The following ADAMTSL2 variants were observed in gnomAD, a reference collection of about 807,000 sequenced individuals.
The protein encoded by ADAMTSL2 is ADAMTS like 2.
In ADAMTSL2, 55 loss-of-function variants were observed where a neutral mutation model predicts 117.0. That is an observed-to-expected ratio of 0.47 (90% CI 0.38 to 0.59). The LOEUF (loss-of-function observed/expected upper bound fraction) is 0.59. ADAMTSL2 is among the 20% of genes least tolerant of loss of function. The pLI, the probability that ADAMTSL2 is intolerant of heterozygous loss-of-function variation, is 0.00. For missense variants in ADAMTSL2, 1,182 were observed against 1,354.5 expected (o/e 0.87, Z 2.00); for synonymous variants, 572 against 566.4 (o/e 1.01, Z -0.14).
chr9:133,539,315 T>C (rs1830136293), intron 4 of ADAMTSL2, among the ~76,000 whole-genome samples: 1 of 152,110 alleles, frequency 6.6e-6, no homozygotes, highest in Non-Finnish European at 1.5e-5. Context: ...GCACGCTGGG[T>C]TCCTCTTTAT....
Position 133,575,385 on chromosome 9 carries a change from C to A in ADAMTSL2, c.*521C>A. On this transcript the variant is annotated 3_prime_UTR_variant, in exon 19 of 19. Transcript: ENST00000651351. ...CTTATGGAGCCCCTCCCATGGAGCT[C>A]TCTTCCCGCCGCACTTTCTACCCCG... The A allele has an allele frequency of 5.9e-6, 1 of 168,862 alleles. No individual in the cohort carries two copies. Among genetic ancestry groups the A allele is most frequent in the Non-Finnish European group, 1.3e-5 (1 of 77,432 alleles). 10.5% of individuals were successfully genotyped at this position (168,862 alleles called of 1,614,324 possible).
rs1830664022 is a variant in ADAMTSL2, at chr9:133,558,812, T to C, written c.1650-2386T>C. Among the ~76,000 whole-genome samples, 1 of 152,244 alleles carries C rather than the reference T, an allele frequency of 6.6e-6. No homozygotes were observed. Among genetic ancestry groups the C allele is most frequent in the Non-Finnish European group, 1.5e-5 (1 of 68,038 alleles). On this transcript the variant is annotated intron_variant, in intron 11 of 18. Transcript: ENST00000651351. The surrounding 1 kb of genome is among the most constrained non-coding windows in gnomAD (Gnocchi z 4.3). The stretch of plus-strand genomic sequence containing the variant: ...CGATTTCCTTGGTGTTCCGCTTCCC[T>C]GTGCTACTTCCAAGAACGGAACCTG...
At chr9:133,548,141 G>C (rs1188198005) in intron 9 of ADAMTSL2, among the ~76,000 whole-genome samples, 1 of 152,208 alleles carries the variant, frequency 6.6e-6, no homozygotes, top group Admixed American at 6.5e-5. Flanking sequence ...ATTGCCTCAT[G>C]TTGCAGGTCA....
intron 18 of ADAMTSL2, among the ~76,000 whole-genome samples, chr9:133,574,363 A>G (rs1000473690): frequency 1.3e-3 from 191 of 152,280 alleles, no homozygotes; most frequent in African/African-American, 4.1e-3. Flanking sequence ...GGAGCAGCTG[A>G]AGCAGGGCCT....
intron 12 of ADAMTSL2, among the ~76,000 whole-genome samples, chr9:133,562,214 A>G (rs1830744884): frequency 1.3e-5 from 2 of 152,352 alleles, no homozygotes; most frequent in African/African-American, 2.4e-5. Flanking sequence ...CACCCTCTGC[A>G]GCCCTGCTGG....
In ADAMTSL2 at chr9:133,540,898, G is replaced by T; in HGVS notation, c.579G>T (p.Val193=). 1 of 1,613,432 alleles carries T rather than the reference G, an allele frequency of 6.2e-7. No individual in the cohort carries two copies. The highest frequency in any genetic ancestry group is 8.5e-7 in the Non-Finnish European group (1 of 1,180,016). The change falls in exon 7 of 19, where the codon GTG becomes GTT. Residue 193 remains valine (V), a synonymous_variant. Coordinates refer to ENST00000651351, the MANE Select transcript of ADAMTSL2 (RefSeq NM_014694.4). ...TGCAGCCCATCGGCTGTGACGGGGTGCTTTTCTCCACCCACACACTGGACA... is the reference window on the plus strand; with the variant it reads ...TGCAGCCCATCGGCTGTGACGGGGTTCTTTTCTCCACCCACACACTGGACA... ...GKCEPIGCDG[V]LFSTHTLDKC... is the part of the protein sequence containing the mutation.
chr9:133,534,621 G>A (rs1830003928), upstream of ADAMTSL2: 9 of 1,276,306 alleles, frequency 7.1e-6, no homozygotes, highest in African/African-American at 1.6e-5. Flanking sequence ...CGGCGCGGGC[G>A]GGGGAGCGGC....
rs989047969 is a variant in ADAMTSL2, at chr9:133,545,719, C to T, written c.763+1169C>T. On this transcript the variant is annotated intron_variant, in intron 8 of 18. Transcript: ENST00000651351. The stretch of plus-strand genomic sequence containing the variant: ...AAAGCTCTTGCTCTTGAAACAGACG[C>T]GTAGAAATACCAAGGGTGGGCTCGG... 3.9e-5 allele frequency among the ~76,000 whole-genome samples: 6 copies of T among 152,230 alleles called. No homozygotes were observed. The South Asian group carries it at 1.2e-3, about 32-fold the overall frequency.
intron 4 of ADAMTSL2, 84 bp from the exon 5 acceptor site, chr9:133,539,687 C>CCCGGCTGTCCCGGCTGT: frequency 1.8e-5 from 6 of 335,908 alleles, no homozygotes; most frequent in Non-Finnish European, 2.6e-5. Context: ...GTCCCGGCTG[C>CCCGGCTGTCCCGGCTGT]AGCCACTTCC....
chr9:133,569,686 A>T, intron 16 of ADAMTSL2, 108 bp downstream of exon 16: 1 of 1,142,314 alleles, frequency 8.8e-7, no homozygotes, highest in Non-Finnish European at 1.3e-6. Flanking sequence ...AGAGGAATTC[A>T]TTGCAAATTA....
At position 133,554,204 on chromosome 9, in the gene ADAMTSL2, G is replaced by A. The variant is rs903546826; in HGVS notation, c.940-153G>A. 7.2e-5 allele frequency among the ~76,000 whole-genome samples: 11 copies of A among 152,226 alleles called. No homozygotes were observed. Among genetic ancestry groups the A allele is most frequent in the African/African-American group, 2.7e-4 (11 of 41,458 alleles). On this transcript the variant is annotated intron_variant, in intron 9 of 18. Coordinates refer to ENST00000651351, the MANE Select transcript of ADAMTSL2 (RefSeq NM_014694.4). This position sits in a 1 kb window ranked among gnomAD's most constrained non-coding sequence, Gnocchi z 5.2. ...TGGATGCCCCTGGGGCAGGAGCACT[G>A]CGTTGGGCTGGGCTAGTCAGTGTCA...
intron 17 of ADAMTSL2, 23 bp downstream of exon 17, chr9:133,570,530 T>C: frequency 1.2e-6 from 2 of 1,600,188 alleles, no homozygotes; most frequent in Non-Finnish European, 8.5e-7. Context: ...CCGGCCCCTC[T>C]GAGGTTGCCT....
rs1281902576 is a variant in ADAMTSL2 at position 133,554,372 on chromosome 9, G to A, written c.955G>A (p.Gly319Ser). 1.7e-5 allele frequency: 26 copies of A among 1,555,862 alleles called. No homozygotes were observed. Among genetic ancestry groups the A allele is most frequent in the African/African-American group, 4.0e-5 (3 of 74,252 alleles). ...GLNVMVWNQN[G>S]KSPSITFEYT... ...CTTTCCCTAGGTGTGGAACCAGAAC[G>A]GCAAAAGCCCCTCCATCACCTTCGA... Residue 319 changes from glycine to serine, a missense_variant, in exon 10 of 19, where the codon GGC (glycine) becomes AGC (serine). By Grantham distance (56) the Gly-to-Ser change is moderately conservative. This residue lies in a region of ADAMTSL2 where 372 missense variants were observed against 463.4 expected (regional missense o/e 0.80). Transcript: ENST00000651351. This position sits in a 1 kb window ranked among gnomAD's most constrained non-coding sequence, Gnocchi z 5.2.
chr9:133,573,938 C>T lies in ADAMTSL2; in HGVS notation c.2688C>T (p.Pro896=), dbSNP rs1272048520. The stretch of plus-strand genomic sequence containing the variant: ...GTGGTTGCGATCCGTTGGTGAAGCC[C>T]GTTGGCAGACAGGCCTGTGATCTGC... The part of the protein sequence containing the change: ...IVRGCDPLVK[P]VGRQACDLQP... The change falls in exon 18 of 19, where the codon CCC becomes CCT. Residue 896 remains proline, a synonymous_variant. Coordinates refer to ENST00000651351, the MANE Select transcript of ADAMTSL2 (RefSeq NM_014694.4). 2.8e-5 allele frequency: 45 copies of T among 1,613,918 alleles called. No individual in the cohort carries two copies. The highest frequency in any genetic ancestry group is 8.0e-5 in the African/African-American group (6 of 74,924).
intron 12 of ADAMTSL2, among the ~76,000 whole-genome samples, chr9:133,563,818 GGAGAGAGA>G (rs1359493983): frequency 6.0e-5 from 2 of 33,518 alleles, no homozygotes; most frequent in Non-Finnish European, 1.3e-4. Flanking sequence ...AGAGAAAGGG[GGAGAGAGA>G]GAGAGAGAGA....
rs1408792717 is a variant in ADAMTSL2 at position 133,551,833 on chromosome 9, T to G, written c.940-2524T>G. On this transcript the variant is annotated intron_variant, in intron 9 of 18. Transcript: ENST00000651351. ...GCAGCTTTTTTTTTTTTTTTTTTTT[T>G]TTTTTGTTATTTTTGAGATGGAGTC... 4.2e-4 allele frequency among the ~76,000 whole-genome samples: 62 copies of G among 147,730 alleles called. 1 individual carries two copies. The highest frequency in any genetic ancestry group is 1.3e-3 in the Admixed American group (19 of 14,778).
At chr9:133,544,348 T>A in intron 7 of ADAMTSL2, 122 bp from the exon 8 acceptor site, 1 of 844,090 alleles carries the variant, frequency 1.2e-6, no homozygotes, top group East Asian at 2.5e-5. Context: ...CAAGCGGGTG[T>A]GGGGGTTGGG....
chr9:133,561,377 A>T, intron 12 of ADAMTSL2, 82 bp downstream of exon 12: 1 of 1,312,222 alleles, frequency 7.6e-7, no homozygotes, highest in Non-Finnish European at 1.1e-6. Flanking sequence ...GGGCCCACCC[A>T]CTAGCTTGCA....
rs1470401936 is a variant in ADAMTSL2 at position 133,569,434 on chromosome 9, C to T, written c.2271C>T (p.Arg757=). The T allele has an allele frequency of 1.2e-6, 2 of 1,613,532 alleles. No homozygotes were observed. The highest frequency in any genetic ancestry group is 1.3e-5 in the African/African-American group (1 of 75,054). Residue 757 remains arginine, a synonymous_variant, in exon 16 of 19, where the codon CGC becomes CGT. Coordinates refer to ENST00000651351, the MANE Select transcript of ADAMTSL2 (RefSeq NM_014694.4). The stretch of plus-strand genomic sequence containing the variant: ...GCAGTGGAAGCTGCGGGCAAGGCCG[C>T]ACCATCAGGCACGTGTACTGCAAGA... ...GPCSGSCGQG[R]TIRHVYCKTS...
Sources: allele counts gnomAD v4.1 joint callset (sites outside exome capture counted in the v4.1 genomes callset), GRCh38; gene constraint gnomAD v4.1.1; regional missense constraint gnomAD v4.1.1; non-coding constraint Gnocchi (gnomAD v3.1); transcripts MANE v1.5; gene names NCBI Gene and HGNC (gene_info 2026-07-23, HGNC 2026-07-21).